Variants in MYH11 observed in about 807,000 individuals in gnomAD.
MYH11 encodes myosin heavy chain 11, also known as myosin-11.
A neutral mutation model predicts 246.6 loss-of-function variants in MYH11; 80 were observed. That is an observed-to-expected ratio of 0.32 (90% confidence interval 0.27 to 0.39). MYH11 has a LOEUF of 0.39. Ranked by LOEUF, MYH11 falls within the 10% of genes least tolerant of loss-of-function variation. The pLI is 1.00. For synonymous variants in MYH11, 1,071 were observed against 1,015.5 expected (o/e 1.05, Z -1.04); for missense variants, 2,158 against 2,546.8 (o/e 0.85, Z 3.29).
intron 1 of MYH11, among the ~76,000 whole-genome samples, chr16:15,856,006 C>T (rs990288089): frequency 1.3e-5 from 2 of 152,142 alleles, no homozygotes; most frequent in African/African-American, 4.8e-5. Context: ...CCCTACCAGA[C>T]CCTGTGCTGG....
chr16:15,771,742 A>G, intron 8 of MYH11, 30 bp from the exon 9 acceptor site: 1 of 1,613,756 alleles, frequency 6.2e-7, no homozygotes, highest in Non-Finnish European at 8.5e-7. Context: ...GGTCAGGGTC[A>G]ATAAGACATA....
Position 15,838,069 on chromosome 16 carries a change from G to A in MYH11, c.184C>T (p.Leu62=), listed in dbSNP as rs1372223167. The A allele has an allele frequency of 6.2e-7, 1 of 1,614,046 alleles. No homozygotes were observed. Among genetic ancestry groups the A allele is most frequent in the Non-Finnish European group, 8.5e-7 (1 of 1,180,024 alleles). ...EEKGDEVVVE[L]VENGKKVTVG... is the part of the protein sequence containing the mutation. Reference sequence around the variant, plus strand: ...GTGACCTTCTTGCCATTCTCCACCAGCTCCACAACCACCTCATCCCCCTTC... The same window carrying A: ...GTGACCTTCTTGCCATTCTCCACCAACTCCACAACCACCTCATCCCCCTTC... The change falls in exon 2 of 41, where the codon CTG becomes TTG. Residue 62 remains leucine, a synonymous_variant. Coordinates refer to ENST00000300036, the MANE Select transcript of MYH11 (RefSeq NM_002474.3).
chr16:15,706,085 C>T lies in MYH11; in HGVS notation c.5787-1962G>A, dbSNP rs577560299. ...TGTTGACAGAGGATGGGAGAGACCCCGGCTGGGAAAGCCCACCTGGCTATA... is the reference window on the plus strand; with the variant it reads ...TGTTGACAGAGGATGGGAGAGACCCTGGCTGGGAAAGCCCACCTGGCTATA... On this transcript the variant is annotated intron_variant, in intron 40 of 40. Transcript: ENST00000300036. 6.6e-5 allele frequency among the ~76,000 whole-genome samples: 10 copies of T among 151,876 alleles called. No individual in the cohort carries two copies. In the East Asian group the frequency reaches 1.4e-3, roughly 21 times the overall value.
At chr16:15,730,515 C>T (rs1177893422) in intron 27 of MYH11, among the ~76,000 whole-genome samples, 1 of 152,118 alleles carries the variant, frequency 6.6e-6, no homozygotes. Flanking sequence ...GAACTCCAGC[C>T]TGAGTGACAG....
chr16:15,819,487 C>A (rs1763065910), intron 3 of MYH11, among the ~76,000 whole-genome samples: 1 of 152,118 alleles, frequency 6.6e-6, no homozygotes, highest in Non-Finnish European at 1.5e-5. Flanking sequence ...CGGCATTAGA[C>A]TCTTATAGAA....
chr16:15,753,730 TG>T (rs1410704319), intron 14 of MYH11, among the ~76,000 whole-genome samples: 1 of 152,202 alleles, frequency 6.6e-6, no homozygotes, highest in Admixed American at 6.5e-5. Flanking sequence ...TAGCCATTGC[TG>T]GGAAAGCCTA....
In MYH11 at chr16:15,776,052, A is replaced by G. The variant is rs373328457; in HGVS notation, c.889+26T>C. The G allele has an allele frequency of 4.6e-6, 7 of 1,531,962 alleles. No homozygotes were observed. The African/African-American group carries it at 8.2e-5, about 18-fold the overall frequency. 94.9% of individuals were successfully genotyped at this position (1,531,962 alleles called of 1,614,324 possible). A position where few individuals can be genotyped will look rare whatever the true frequency, so the allele number is the denominator to read the frequency against. ...TGAAAGGGAAGGCTCAAGCCATCCAATCACATGTCATTGCTAGTCACTTAC... is the reference window on the plus strand; with the variant it reads ...TGAAAGGGAAGGCTCAAGCCATCCAGTCACATGTCATTGCTAGTCACTTAC... On this transcript the variant is annotated intron_variant, in intron 8 of 40. Transcript: ENST00000300036.
chr16:15,732,119 G>A (rs536599045), intron 27 of MYH11, among the ~76,000 whole-genome samples: 6 of 150,952 alleles, frequency 4.0e-5, no homozygotes, highest in South Asian at 2.1e-4. Flanking sequence ...GCACCACCGC[G>A]CCCGGCTAAT....
chr16:15,830,107 C>T (rs976312846), intron 2 of MYH11, among the ~76,000 whole-genome samples: 36 of 150,660 alleles, frequency 2.4e-4, no homozygotes, highest in African/African-American at 8.8e-4. Context: ...TCCACTCCAG[C>T]CTGGGTGATA....
intron 4 of MYH11, among the ~76,000 whole-genome samples, chr16:15,787,761 C>T (rs1008895096): frequency 6.6e-6 from 1 of 152,122 alleles, no homozygotes; most frequent in African/African-American, 2.4e-5. Flanking sequence ...AGACCAGGCA[C>T]AAGGCAGCCT....
At chr16:15,734,156 C>G (rs561637069) in intron 26 of MYH11, among the ~76,000 whole-genome samples, 1 of 152,288 alleles carries the variant, frequency 6.6e-6, no homozygotes, top group Non-Finnish European at 1.5e-5. Context: ...CCAATCTGAT[C>G]AATTTTATTT....
At chr16:15,748,979 C>T (rs2041494205) in intron 16 of MYH11, among the ~76,000 whole-genome samples, 2 of 151,844 alleles carry the variant, frequency 1.3e-5, no homozygotes, top group South Asian at 4.2e-4. Context: ...TTTAACACCC[C>T]CAATGGCATG....
At chr16:15,816,185 T>C (rs1352794546) in intron 3 of MYH11, among the ~76,000 whole-genome samples, 1 of 152,136 alleles carries the variant, frequency 6.6e-6, no homozygotes, top group Non-Finnish European at 1.5e-5. Context: ...GAATCCACTA[T>C]GAAAGCACTA....
chr16:15,731,773 T>C (rs1255079389), intron 27 of MYH11, among the ~76,000 whole-genome samples: 1 of 151,828 alleles, frequency 6.6e-6, no homozygotes, highest in Non-Finnish European at 1.5e-5. Flanking sequence ...ATTACAGACA[T>C]GGTGAGCCAC....
chr16:15,715,019 C>T lies in MYH11; in HGVS notation c.5676G>A (p.Glu1892=), dbSNP rs113964173. ...LKRQLEEAEE[E]SQRINANRRK... ...TGCGGTTGGCGTTGATGCGCTGGGA[C>T]TCCTCCTCTGCCTCCTCCAGCTGCC... is the stretch of plus-strand genomic sequence containing the variant. The change falls in exon 40 of 41, where the codon GAG becomes GAA. Residue 1892 remains glutamate (E), a synonymous_variant. Transcript: ENST00000300036. 4.3e-6 allele frequency: 7 copies of T among 1,613,986 alleles called. No individual in the cohort carries two copies. The highest frequency in any genetic ancestry group is 8.5e-7 in the Non-Finnish European group (1 of 1,180,040).
chr16:15,744,036 T>C (rs1383149489), intron 20 of MYH11, among the ~76,000 whole-genome samples: 5 of 151,680 alleles, frequency 3.3e-5, no homozygotes, highest in African/African-American at 1.2e-4. Context: ...TTTGGGAGCC[T>C]GAAGCAGGAG....
chr16:15,715,626 AT>A (rs201872754), intron 38 of MYH11, among the ~76,000 whole-genome samples: 1 of 151,568 alleles, frequency 6.6e-6, no homozygotes, highest in Non-Finnish European at 1.5e-5. Context: ...TGGGGTTTCT[AT>A]TTTTTTTGCG....
At position 15,741,555 on chromosome 16, in the gene MYH11, T is replaced by G; in HGVS notation, c.2767A>C (p.Ile923Leu). 1 of 1,611,164 alleles carries G rather than the reference T, an allele frequency of 6.2e-7. No individual in the cohort carries two copies. The highest frequency in any genetic ancestry group is 8.5e-7 in the Non-Finnish European group (1 of 1,179,990). ...LAAKKQELEE[I>L]LHEMEARLEE... is the part of the protein sequence containing the mutation. ...AGGCGGGCCTCCATCTCATGCAGTA[T>G]CTCCTCCAGCTCCTGCTTCTTGGCC... Residue 923 changes from isoleucine to leucine, a missense_variant, in exon 22 of 41, where the codon ATA becomes CTA. By Grantham distance (5) the Ile-to-Leu change is conservative. Around this residue, in one of 11 missense-constraint regions of MYH11, gnomAD observed 284 missense variants for 315.4 expected, o/e 0.90. Transcript: ENST00000300036.
At chr16:15,763,759 C>G in intron 10 of MYH11, 37 bp downstream of exon 10, 2 of 1,151,256 alleles carry the variant, frequency 1.7e-6, no homozygotes, top group Non-Finnish European at 2.6e-6. Context: ...CCCCCCAACC[C>G]CAAAGTCATT....
Sources: allele counts gnomAD v4.1 joint callset (sites outside exome capture counted in the v4.1 genomes callset), GRCh38; gene constraint gnomAD v4.1.1; regional missense constraint gnomAD v4.1.1; transcripts MANE v1.5; gene names NCBI Gene and HGNC (gene_info 2026-07-23, HGNC 2026-07-21).